Variants in GRIN2B observed in about 807,000 individuals in gnomAD.
GRIN2B encodes glutamate ionotropic receptor NMDA type subunit 2B, also known as glutamate receptor ionotropic, NMDA 2B.
Under a neutral mutation model 114.5 loss-of-function variants are expected in GRIN2B, and 5 were observed. That is an observed-to-expected ratio of 0.04 (90% confidence interval 0.02 to 0.09). The LOEUF is 0.09. Among genes scored for constraint, GRIN2B ranks in the 10% least tolerant of loss-of-function variants. GRIN2B has a pLI of 1.00. For missense variants in GRIN2B, 1,108 were observed against 1,943.5 expected, an observed-to-expected ratio of 0.57 and a Z score of 8.08; for synonymous variants, 787 against 745.1, an observed-to-expected ratio of 1.06 and a Z score of -0.92.
intron 3 of GRIN2B, among the ~76,000 whole-genome samples, chr12:13,850,783 A>G (rs1211808775): frequency 1.3e-5 from 2 of 152,182 alleles, no homozygotes; most frequent in Non-Finnish European, 1.5e-5. Context: ...TGTTCAAAAT[A>G]AAGTGAAGCA....
intron 3 of GRIN2B, among the ~76,000 whole-genome samples, chr12:13,818,013 G>A (rs1864862207): frequency 1.3e-5 from 2 of 152,118 alleles, no homozygotes; most frequent in Admixed American, 1.3e-4. Context: ...TGTAAAAAGA[G>A]GCCTGAATAA....
intron 5 of GRIN2B, among the ~76,000 whole-genome samples, chr12:13,646,399 A>T (rs1253909807): frequency 6.6e-6 from 1 of 152,138 alleles, no homozygotes; most frequent in Admixed American, 6.5e-5. Context: ...CAGCTGTTTA[A>T]ATCCTCACTG....
chr12:13,813,459 A>G (rs1433581094), intron 3 of GRIN2B, among the ~76,000 whole-genome samples: 1 of 152,196 alleles, frequency 6.6e-6, no homozygotes, highest in African/African-American at 2.4e-5. Flanking sequence ...TGGAAACAGG[A>G]TGAGGAGAAA....
At chr12:13,837,012 G>T (rs1865281832) in intron 3 of GRIN2B, among the ~76,000 whole-genome samples, 1 of 152,074 alleles carries the variant, frequency 6.6e-6, no homozygotes, top group Admixed American at 6.5e-5. Context: ...TTTGTTCATT[G>T]GCTTACATCA....
intron 5 of GRIN2B, among the ~76,000 whole-genome samples, chr12:13,644,202 G>C (rs1236354929): frequency 6.6e-6 from 1 of 152,062 alleles, no homozygotes; most frequent in Non-Finnish European, 1.5e-5. Flanking sequence ...ATTTTTCCTT[G>C]ATCCATAGGC....
At chr12:13,634,993 T>A (rs1949655243) in intron 5 of GRIN2B, among the ~76,000 whole-genome samples, 1 of 152,178 alleles carries the variant, frequency 6.6e-6, no homozygotes, top group South Asian at 2.1e-4. Context: ...AAATGATGCA[T>A]CTTTAACCTC....
At chr12:13,920,734 A>C (rs1302569078) in intron 2 of GRIN2B, among the ~76,000 whole-genome samples, 1 of 152,206 alleles carries the variant, frequency 6.6e-6, no homozygotes, top group Non-Finnish European at 1.5e-5. Flanking sequence ...CGGTGACATC[A>C]GGCATCTCCT....
At chr12:13,588,295 C>T (rs974823266) in intron 10 of GRIN2B, among the ~76,000 whole-genome samples, 11 of 152,194 alleles carry the variant, frequency 7.2e-5, no homozygotes, top group Admixed American at 5.9e-4. Flanking sequence ...AAATAAGAGG[C>T]TCCATCACTA....
At chr12:13,900,604 A>G (rs1358171821) in intron 2 of GRIN2B, among the ~76,000 whole-genome samples, 2 of 152,124 alleles carry the variant, frequency 1.3e-5, no homozygotes, top group Non-Finnish European at 2.9e-5. Context: ...CCCTTCCCAT[A>G]TTATAACCTT....
At chr12:13,827,424 A>C (rs1457699281) in intron 3 of GRIN2B, among the ~76,000 whole-genome samples, 1 of 151,634 alleles carries the variant, frequency 6.6e-6, no homozygotes. Context: ...ATGTGGACTG[A>C]TAGATAATTT....
intron 3 of GRIN2B, among the ~76,000 whole-genome samples, chr12:13,792,404 C>T (rs1038094361): frequency 6.6e-6 from 1 of 152,210 alleles, no homozygotes; most frequent in African/African-American, 2.4e-5. Context: ...TTGAAGCTCT[C>T]CCAGCCTGGC....
In GRIN2B at chr12:13,557,879, G is replaced by A. The variant is rs1002356378; in HGVS notation, c.*4904C>T. ...ATACATCCCTAATATGGCTTAATATGTCACCTTTCCTGGGATTACTTTCAT... is the reference window on the plus strand; with the variant it reads ...ATACATCCCTAATATGGCTTAATATATCACCTTTCCTGGGATTACTTTCAT... On this transcript the variant is annotated 3_prime_UTR_variant, in exon 14 of 14. Transcript: ENST00000609686. The A allele has an allele frequency of 1.5e-4, 23 of 152,258 alleles. No individual in the cohort carries two copies. The highest frequency in any genetic ancestry group is 5.5e-4 in the African/African-American group (23 of 41,546). The allele number at this position is 152,258 out of a possible 1,614,324, so 9.4% of individuals were successfully genotyped here. A position where few individuals can be genotyped will look rare whatever the true frequency, so the allele number is the denominator to read the frequency against.
At chr12:13,857,372 TACACAC>T (rs142914230) in intron 3 of GRIN2B, among the ~76,000 whole-genome samples, 4,390 of 147,646 alleles carry the variant, frequency 0.03, 90 homozygotes, top group Middle Eastern at 0.075. Context: ...CACGCGTGCA[TACACAC>T]ACACACACAC....
chr12:13,943,459 C>A (rs969937901), intron 2 of GRIN2B, among the ~76,000 whole-genome samples: 1 of 152,118 alleles, frequency 6.6e-6, no homozygotes, highest in Non-Finnish European at 1.5e-5. Context: ...CTGACTCCCC[C>A]ATTGAATTTA....
intron 2 of GRIN2B, among the ~76,000 whole-genome samples, chr12:13,930,837 C>CAA (rs1026325700): frequency 1.3e-5 from 2 of 150,568 alleles, no homozygotes; most frequent in Non-Finnish European, 3.0e-5. Flanking sequence ...AGCCCCCCAA[C>CAA]AAAAAAAAAC....
chr12:13,758,754 T>C (rs1282256106), intron 3 of GRIN2B, among the ~76,000 whole-genome samples: 1 of 152,174 alleles, frequency 6.6e-6, no homozygotes, highest in Non-Finnish European at 1.5e-5. Flanking sequence ...CTTACTTCTA[T>C]CTCCCCTTTG....
chr12:13,970,586 C>T (rs1380065978), intron 2 of GRIN2B, among the ~76,000 whole-genome samples: 8 of 152,150 alleles, frequency 5.3e-5, no homozygotes, highest in African/African-American at 1.9e-4. Flanking sequence ...AGTCATAAAT[C>T]TTGTCCTCAC....
chr12:13,734,051 G>C (rs1023784248), intron 4 of GRIN2B, among the ~76,000 whole-genome samples: 2 of 152,196 alleles, frequency 1.3e-5, no homozygotes, highest in African/African-American at 4.8e-5. Context: ...CTAGAGAACA[G>C]TTCCTTTCGG....
At chr12:13,677,934 A>G (rs186195872) in intron 4 of GRIN2B, among the ~76,000 whole-genome samples, 2 of 152,276 alleles carry the variant, frequency 1.3e-5, no homozygotes, top group East Asian at 3.9e-4. Context: ...TGATGGATTA[A>G]AAAACAAGCA....
Sources: gnomAD v4.1 joint callset for allele counts (sites outside exome capture counted in the v4.1 genomes callset) on GRCh38, gnomAD v4.1.1 for gene constraint, MANE v1.5 for transcripts, NCBI Gene and HGNC (gene_info 2026-07-23, HGNC 2026-07-21) for gene names.